The following ZNF469 variants were observed in gnomAD, a reference collection of about 807,000 sequenced individuals.
The protein encoded by ZNF469 is zinc finger protein 469.
ZNF469 carries 1 observed loss-of-function variant against 1.0 expected under a neutral mutation model. The observed-to-expected ratio is 1.00, with a 90% CI of 0.35 to 4.73. The LOEUF (loss-of-function observed/expected upper bound fraction) is 4.73. ZNF469 is among the 30% of genes most tolerant of loss of function. The pLI, the probability that ZNF469 is intolerant of heterozygous loss-of-function variation, is 0.16. For synonymous variants in ZNF469, 2,703 were observed against 2,363.4 expected (o/e 1.14, Z -4.17); for missense variants, 6,100 against 5,356.3 (o/e 1.14, Z -4.33).
chr16:88,208,622 G>C, the ZNF469 span, among the ~76,000 whole-genome samples: 7 of 65,444 alleles, frequency 1.1e-4, no homozygotes, highest in African/African-American at 2.6e-4. Flanking sequence ...GGAGGGAGGA[G>C]AAGTGGGAGG....
the ZNF469 span, among the ~76,000 whole-genome samples, chr16:88,294,098 A>G: frequency 6.6e-6 from 1 of 152,200 alleles, no homozygotes; most frequent in Non-Finnish European, 1.5e-5. Flanking sequence ...TGTGAGGGTT[A>G]TCTTCCTATG....
chr16:88,326,533 T>G, the ZNF469 span, among the ~76,000 whole-genome samples: 1 of 152,182 alleles, frequency 6.6e-6, no homozygotes, highest in Non-Finnish European at 1.5e-5. Context: ...CCAGAACCAC[T>G]TTATTAAAGC....
chr16:88,129,641 C>T, the ZNF469 span, among the ~76,000 whole-genome samples: 1 of 152,092 alleles, frequency 6.6e-6, no homozygotes, highest in Admixed American at 6.5e-5. Flanking sequence ...ATTACTTGAG[C>T]CCAAGATTTT....
chr16:88,319,953 T>C, the ZNF469 span, among the ~76,000 whole-genome samples: 1 of 152,148 alleles, frequency 6.6e-6, no homozygotes, highest in African/African-American at 2.4e-5. Context: ...TCAGTGAGGG[T>C]TTCCTCCCAT....
chr16:88,183,449 A>C, the ZNF469 span, among the ~76,000 whole-genome samples: 2 of 152,234 alleles, frequency 1.3e-5, no homozygotes, highest in Non-Finnish European at 2.9e-5. Context: ...CCTACAGCTC[A>C]GCAGCACCAA....
chr16:88,298,224 G>T, the ZNF469 span, among the ~76,000 whole-genome samples: 1 of 152,170 alleles, frequency 6.6e-6, no homozygotes, highest in Non-Finnish European at 1.5e-5. Context: ...CTTTGGAGAA[G>T]GGGCCTCTGG....
chr16:88,170,848 C>T, the ZNF469 span, among the ~76,000 whole-genome samples: 2 of 152,252 alleles, frequency 1.3e-5, no homozygotes, highest in South Asian at 4.2e-4. The surrounding 1 kb of genome is among the most constrained non-coding windows in gnomAD (Gnocchi z 4.2). Flanking sequence ...ATACTTTCCT[C>T]CCCGGAAGCT....
the ZNF469 span, among the ~76,000 whole-genome samples, chr16:88,122,725 C>T: frequency 6.6e-6 from 1 of 152,110 alleles, no homozygotes; most frequent in African/African-American, 2.4e-5. Context: ...TAGTCTGCCA[C>T]AGTTTTATGT....
the ZNF469 span, among the ~76,000 whole-genome samples, chr16:88,241,331 C>T: frequency 6.6e-6 from 1 of 150,686 alleles, no homozygotes; most frequent in African/African-American, 2.5e-5. This position sits in a 1 kb window ranked among gnomAD's most constrained non-coding sequence, Gnocchi z 4.8. Flanking sequence ...TGCACTCTAG[C>T]CTGGGCGGCA....
At chr16:88,304,292 G>A in the ZNF469 span, among the ~76,000 whole-genome samples, 22 of 152,176 alleles carry the variant, frequency 1.4e-4, no homozygotes, top group African/African-American at 3.6e-4. Flanking sequence ...ACACCAGGGC[G>A]ATGGAATGCA....
the ZNF469 span, among the ~76,000 whole-genome samples, chr16:88,135,075 C>T: frequency 2.0e-5 from 3 of 152,364 alleles, no homozygotes; most frequent in South Asian, 2.1e-4. Flanking sequence ...GGCGAGGCCC[C>T]GGGCAGAAGG....
chr16:88,247,681 CTGAA>C, the ZNF469 span, among the ~76,000 whole-genome samples: 4 of 145,066 alleles, frequency 2.8e-5, no homozygotes, highest in Admixed American at 6.8e-5. Flanking sequence ...TCGTGAATGA[CTGAA>C]TGAGTGAGTG....
intron 1 of ZNF469, among the ~76,000 whole-genome samples, chr16:88,417,996 C>A (rs955339441): frequency 6.6e-6 from 1 of 152,176 alleles, no homozygotes; most frequent in African/African-American, 2.4e-5. Context: ...CCTGTCCCCA[C>A]CCTGCAGCCC....
In ZNF469 at chr16:88,430,137, G is replaced by A. The variant is rs1037581980; in HGVS notation, c.2667G>A (p.Ala889=). 1.2e-5 allele frequency: 19 copies of A among 1,550,010 alleles called. No individual in the cohort carries two copies. The highest frequency in any genetic ancestry group is 1.7e-4 in the Middle Eastern group (1 of 6,012). ...CCGGACACCCCCTTAAGAGCAAGGC[G>A]GGGGTGACTCCAGAGAGCAAAGCTC... is the stretch of plus-strand genomic sequence containing the variant. ...PSSGHPLKSK[A]GVTPESKAPP... Residue 889 remains alanine, a synonymous_variant, in exon 3 of 3, where the codon GCG becomes GCA. Transcript: ENST00000565624.
At chr16:88,397,385 T>G in intron 1 of ZNF469, among the ~76,000 whole-genome samples, 1 of 151,936 alleles carries the variant, frequency 6.6e-6, no homozygotes, top group African/African-American at 2.4e-5. Context: ...CTTCATCATC[T>G]CCCTCCTGCC....
intron 1 of ZNF469, among the ~76,000 whole-genome samples, chr16:88,412,769 C>A (rs1905209342): frequency 6.6e-6 from 1 of 152,240 alleles, no homozygotes; most frequent in African/African-American, 2.4e-5. Flanking sequence ...AACGCTCACA[C>A]ACCATAAACC....
chr16:88,367,719 G>C, the ZNF469 span, among the ~76,000 whole-genome samples: 2 of 152,220 alleles, frequency 1.3e-5, no homozygotes, highest in Non-Finnish European at 2.9e-5. Flanking sequence ...GCACCATCCT[G>C]AGCCTCACTG....
chr16:88,415,675 G>A (rs1010404144), intron 1 of ZNF469, among the ~76,000 whole-genome samples: 8 of 152,206 alleles, frequency 5.3e-5, no homozygotes, highest in Admixed American at 3.3e-4. Context: ...GAGAGCGCCC[G>A]GAAGTGACCA....
At chr16:88,346,958 C>T in the ZNF469 span, among the ~76,000 whole-genome samples, 3 of 152,106 alleles carry the variant, frequency 2.0e-5, no homozygotes, top group African/African-American at 7.2e-5. Context: ...AGAAGGCCCT[C>T]GTTCCCAGGA....
Sources: allele counts gnomAD v4.1 joint callset (sites outside exome capture counted in the v4.1 genomes callset), GRCh38; gene constraint gnomAD v4.1.1; non-coding constraint Gnocchi (gnomAD v3.1); transcripts MANE v1.5; gene names NCBI Gene and HGNC (gene_info 2026-07-23, HGNC 2026-07-21).